The following ZNF431 variants were observed in gnomAD, a reference collection of about 807,000 sequenced individuals.
ZNF431 encodes the protein zinc finger protein 431.
In ZNF431, 34 loss-of-function variants were observed where a neutral mutation model predicts 57.0. The ratio of observed to expected loss-of-function variants is 0.60; its 90% CI spans 0.45 to 0.79. The LOEUF (loss-of-function observed/expected upper bound fraction) is 0.79. ZNF431 is among the 30% of genes least tolerant of loss of function. The pLI, the probability that ZNF431 is intolerant of heterozygous loss-of-function variation, is 0.00. For missense variants in ZNF431, 607 were observed against 667.1 expected, an observed-to-expected ratio of 0.91 and a Z score of 0.99; for synonymous variants, 207 against 220.3, an observed-to-expected ratio of 0.94 and a Z score of 0.54.
Position 21,184,824 on chromosome 19 carries a change from T to C in ZNF431, c.*790T>C, listed in dbSNP as rs1364814570. ...TACTGTCAAAAGATCTTTCAGAAAA[T>C]ATAAGCTTTTTTAGTGAAGAGTATT... is the stretch of plus-strand genomic sequence containing the variant. On this transcript the variant is annotated 3_prime_UTR_variant, in exon 5 of 5. Coordinates refer to ENST00000311048, the MANE Select transcript of ZNF431 (RefSeq NM_133473.4). 6.6e-6 allele frequency: 1 copy of C among 152,334 alleles called. No individual in the cohort carries two copies. The highest frequency in any genetic ancestry group is 1.9e-4 in the East Asian group (1 of 5,202). The allele number at this position is 152,334 out of a possible 1,614,324, so 9.4% of individuals were successfully genotyped here.
intron 3 of ZNF431, among the ~76,000 whole-genome samples, chr19:21,167,220 G>A (rs1354087940): frequency 3.3e-5 from 5 of 151,142 alleles, no homozygotes; most frequent in Non-Finnish European, 7.4e-5. Flanking sequence ...GGAGTGCAAT[G>A]CACTATCTTG....
rs1426294391 is a variant in ZNF431, at chr19:21,194,944, G to A, written c.*10910G>A. Reference sequence around the variant, plus strand: ...GTGAGAAAGCAGAGTTATCAGGGAGGTGGGACTATTGCTTTATGAACGTGA... The same window carrying A: ...GTGAGAAAGCAGAGTTATCAGGGAGATGGGACTATTGCTTTATGAACGTGA... On this transcript the variant is annotated 3_prime_UTR_variant, in exon 5 of 5. Coordinates refer to ENST00000311048, the MANE Select transcript of ZNF431 (RefSeq NM_133473.4). 6.6e-6 allele frequency: 1 copy of A among 152,234 alleles called. No homozygotes were observed. The highest frequency in any genetic ancestry group is 1.9e-4 in the East Asian group (1 of 5,188). The allele number at this position is 152,234 out of a possible 1,614,324, so 9.4% of individuals were successfully genotyped here.
At chr19:21,149,622 T>C (rs2144933179) in intron 2 of ZNF431, 1 of 276,474 alleles carries the variant, frequency 3.6e-6, no homozygotes, top group African/African-American at 2.2e-5. Context: ...ATTATTTTTA[T>C]GTATAGAAAA....
rs937555685 is a variant in ZNF431 at position 21,188,295 on chromosome 19, C to T, written c.*4261C>T. ...AAAAGATAAAAGGTGCAATACTGTC[C>T]ACAGGTAAGATAATTAAATTAGTCA... On this transcript the variant is annotated 3_prime_UTR_variant, in exon 5 of 5. Coordinates refer to ENST00000311048, the MANE Select transcript of ZNF431 (RefSeq NM_133473.4). The T allele has an allele frequency of 1.6e-5, 2 of 128,958 alleles. No homozygotes were observed. The highest frequency in any genetic ancestry group is 8.3e-5 in the Admixed American group (1 of 11,988). 8.0% of individuals were successfully genotyped at this position (128,958 alleles called of 1,614,324 possible).
chr19:21,175,814 C>T (rs1971032334), intron 4 of ZNF431, among the ~76,000 whole-genome samples: 1 of 152,136 alleles, frequency 6.6e-6, no homozygotes, highest in Non-Finnish European at 1.5e-5. Context: ...TTTTCTTTAT[C>T]CAGTCTGTCA....
chr19:21,154,403 T>C (rs1970363492), intron 2 of ZNF431, among the ~76,000 whole-genome samples: 1 of 152,244 alleles, frequency 6.6e-6, no homozygotes, highest in Non-Finnish European at 1.5e-5. Flanking sequence ...CCACATTTTC[T>C]TAATCCAGTC....
intron 4 of ZNF431, among the ~76,000 whole-genome samples, chr19:21,177,612 C>A (rs1484364981): frequency 3.3e-5 from 5 of 151,994 alleles, no homozygotes; most frequent in African/African-American, 1.2e-4. Context: ...CATAGTGAAA[C>A]CCTGTCTCTA....
intron 2 of ZNF431, among the ~76,000 whole-genome samples, chr19:21,164,832 T>A (rs535243043): frequency 3.9e-5 from 6 of 152,008 alleles, no homozygotes; most frequent in Admixed American, 2.6e-4. Context: ...TGTTTCTGGC[T>A]GGGCGCGGTG....
At chr19:21,145,528 C>T (rs1217541529) in intron 2 of ZNF431, among the ~76,000 whole-genome samples, 1 of 152,034 alleles carries the variant, frequency 6.6e-6, no homozygotes, top group Non-Finnish European at 1.5e-5. Context: ...TTCTGGGGAT[C>T]CTCCCCTGCA....
chr19:21,180,433 G>C (rs1599617705), intron 4 of ZNF431, among the ~76,000 whole-genome samples: 1 of 152,038 alleles, frequency 6.6e-6, no homozygotes, highest in East Asian at 1.9e-4. Flanking sequence ...CTCCACTTAT[G>C]CAGACTTACT....
chr19:21,165,567 ATAAT>A (rs1014261173), intron 2 of ZNF431, among the ~76,000 whole-genome samples: 50 of 152,178 alleles, frequency 3.3e-4, no homozygotes, highest in Admixed American at 3.2e-3. Flanking sequence ...GTTGATGTTA[ATAAT>A]TTACTTGGTT....
rs562186505 is a variant in ZNF431 at position 21,175,724 on chromosome 19, C to T, written c.320-6899C>T. Among the ~76,000 whole-genome samples the T allele has an allele frequency of 1.5e-3, 236 of 152,316 alleles. 2 individuals carry two copies. The highest frequency in any genetic ancestry group is 5.3e-3 in the African/African-American group (220 of 41,578). On this transcript the variant is annotated intron_variant, in intron 4 of 4. Coordinates refer to ENST00000311048, the MANE Select transcript of ZNF431 (RefSeq NM_133473.4). The stretch of plus-strand genomic sequence containing the variant: ...GTTTGCTGAAAATAATGGCTTCCAG[C>T]TCCATCTCTGTCTTTGCAAAGTACA...
intron 4 of ZNF431, chr19:21,175,471 G>A (rs1488932862): frequency 1.4e-6 from 1 of 695,036 alleles, no homozygotes. Context: ...TGCAGGATGT[G>A]CAGGTTTGTT....
At chr19:21,165,017 G>T (rs1469518301) in intron 2 of ZNF431, among the ~76,000 whole-genome samples, 1 of 150,840 alleles carries the variant, frequency 6.6e-6, no homozygotes, top group East Asian at 2.0e-4. Flanking sequence ...GCTGAGGCAG[G>T]AGAATCACTT....
intron 2 of ZNF431, chr19:21,150,091 G>T (rs1970227892): frequency 7.8e-6 from 5 of 639,180 alleles, no homozygotes; most frequent in South Asian, 4.4e-5. Flanking sequence ...CTTTCTTCTC[G>T]GCCCGGGCCA....
intron 2 of ZNF431, among the ~76,000 whole-genome samples, chr19:21,164,938 C>T (rs1362894976): frequency 6.6e-6 from 1 of 151,036 alleles, no homozygotes; most frequent in Non-Finnish European, 1.5e-5. Context: ...TGGATAAACC[C>T]CGTCTCTACT....
rs533616383 is a variant in ZNF431, at chr19:21,148,876, G to T, written c.96+5233G>T. On this transcript the variant is annotated intron_variant, in intron 2 of 4. Transcript: ENST00000311048. ...TTAGGGGGTGTGGCTAACTTGATGT[G>T]TCCCAGGCCTTACTTAGCTGTAAAA... Among the ~76,000 whole-genome samples the T allele has an allele frequency of 1.4e-4, 21 of 152,252 alleles. No individual in the cohort carries two copies. The South Asian group carries it at 4.1e-3, about 30-fold the overall frequency.
At chr19:21,169,556 G>A (rs1200200828) in intron 4 of ZNF431, among the ~76,000 whole-genome samples, 1 of 152,156 alleles carries the variant, frequency 6.6e-6, no homozygotes, top group African/African-American at 2.4e-5. Flanking sequence ...TTGTCACAAG[G>A]CTGCTGGGTC....
At chr19:21,174,204 CCTT>C (rs1458844635) in intron 4 of ZNF431, among the ~76,000 whole-genome samples, 9 of 152,252 alleles carry the variant, frequency 5.9e-5, no homozygotes, top group Admixed American at 2.0e-4. Flanking sequence ...GCCAAATAAA[CCTT>C]CTTTCTTTGT....
Sources: gnomAD v4.1 joint callset for allele counts (sites outside exome capture counted in the v4.1 genomes callset) on GRCh38, gnomAD v4.1.1 for gene constraint, MANE v1.5 for transcripts, NCBI Gene and HGNC (gene_info 2026-07-23, HGNC 2026-07-21) for gene names.